Variants in RANBP2 observed in about 807,000 individuals in gnomAD.
RANBP2 encodes E3 SUMO-protein ligase RanBP2.
In RANBP2, 57 loss-of-function variants were observed where a neutral mutation model predicts 303.6. The observed-to-expected ratio is 0.19, with a 90% CI of 0.15 to 0.23. RANBP2 has a LOEUF of 0.23. Among genes scored for constraint, RANBP2 ranks in the 10% least tolerant of loss-of-function variants. RANBP2 has a pLI of 1.00. For synonymous variants in RANBP2, 1,167 were observed against 1,301.5 expected (o/e 0.90, Z 2.23); for missense variants, 3,138 against 3,780.8 (o/e 0.83, Z 4.46).
chr2:109,518,048 A>C, the RANBP2 span, among the ~76,000 whole-genome samples: 1 of 152,210 alleles, frequency 6.6e-6, no homozygotes, highest in Admixed American at 6.5e-5. Flanking sequence ...CAACTCGCTT[A>C]CCTGGTGTGC....
intron 25 of RANBP2, among the ~76,000 whole-genome samples, chr2:108,780,788 C>T (rs1387206611): frequency 6.6e-6 from 1 of 151,894 alleles, no homozygotes; most frequent in African/African-American, 2.4e-5. Flanking sequence ...TGGCTCACCG[C>T]AACCTCCGCC....
the RANBP2 span, chr2:108,929,988 A>G: frequency 1.2e-5 from 14 of 1,131,560 alleles, no homozygotes; most frequent in Non-Finnish European, 1.7e-5. Flanking sequence ...CTCAACGTCC[A>G]GGGAGCGTGA....
At chr2:109,677,195 C>T in the RANBP2 span, among the ~76,000 whole-genome samples, 1 of 152,142 alleles carries the variant, frequency 6.6e-6, no homozygotes, top group Admixed American at 6.5e-5. Flanking sequence ...GAACTGGAAG[C>T]TCCTCCCCTC....
the RANBP2 span, among the ~76,000 whole-genome samples, chr2:109,578,015 A>G: frequency 6.6e-6 from 1 of 151,738 alleles, no homozygotes; most frequent in Non-Finnish European, 1.5e-5. Flanking sequence ...GTCTATTTGT[A>G]TTATCAATGA....
At chr2:109,344,488 G>A in the RANBP2 span, among the ~76,000 whole-genome samples, 1 of 152,220 alleles carries the variant, frequency 6.6e-6, no homozygotes, top group Admixed American at 6.5e-5. Flanking sequence ...AGGGGACCTC[G>A]GCTGCCGTGC....
the RANBP2 span, among the ~76,000 whole-genome samples, chr2:109,711,574 T>A: frequency 6.6e-6 from 1 of 152,234 alleles, no homozygotes. Flanking sequence ...CCATCATCTC[T>A]GTGCCCCCTC....
At chr2:109,467,093 A>G in the RANBP2 span, among the ~76,000 whole-genome samples, 1 of 152,248 alleles carries the variant, frequency 6.6e-6, no homozygotes, top group Admixed American at 6.5e-5. Flanking sequence ...TGGTTCAGCA[A>G]TTTTTTAAGA....
the RANBP2 span, among the ~76,000 whole-genome samples, chr2:108,969,854 A>G: frequency 6.6e-6 from 1 of 152,236 alleles, no homozygotes; most frequent in Admixed American, 6.5e-5. Flanking sequence ...TAACTTGTGC[A>G]GGGATCCAAA....
chr2:109,144,358 G>T, the RANBP2 span, among the ~76,000 whole-genome samples: 7 of 152,230 alleles, frequency 4.6e-5, no homozygotes, highest in African/African-American at 1.4e-4. Flanking sequence ...ACATGATAAT[G>T]AAAAGTACTT....
the RANBP2 span, among the ~76,000 whole-genome samples, chr2:109,211,624 C>G: frequency 6.6e-6 from 1 of 151,358 alleles, no homozygotes; most frequent in Non-Finnish European, 1.5e-5. Context: ...CACATGAGCC[C>G]TTCGGCCCTT....
chr2:108,943,551 G>C, the RANBP2 span, among the ~76,000 whole-genome samples: 1 of 152,232 alleles, frequency 6.6e-6, no homozygotes, highest in Non-Finnish European at 1.5e-5. Context: ...GTGGTGACTA[G>C]TCCGAATTAT....
chr2:109,319,018 A>T, the RANBP2 span, among the ~76,000 whole-genome samples: 27 of 152,232 alleles, frequency 1.8e-4, no homozygotes, highest in Non-Finnish European at 3.8e-4. Context: ...CTGGGATTAC[A>T]GATGGGAAAG....
chr2:109,055,550 T>G, the RANBP2 span, among the ~76,000 whole-genome samples: 7 of 151,754 alleles, frequency 4.6e-5, no homozygotes, highest in African/African-American at 1.7e-4. Flanking sequence ...TTCTTTTCTT[T>G]TCTTTTTTGT....
chr2:109,678,455 C>G, the RANBP2 span, among the ~76,000 whole-genome samples: 1 of 152,306 alleles, frequency 6.6e-6, no homozygotes, highest in Non-Finnish European at 1.5e-5. Context: ...CTTGGCCCTA[C>G]CAGGGATCGC....
At chr2:109,163,559 C>T in the RANBP2 span, among the ~76,000 whole-genome samples, 658 of 151,068 alleles carry the variant, frequency 4.4e-3, 2 homozygotes, top group African/African-American at 0.015. Context: ...CCACTACGCC[C>T]GGCTAATTTT....
chr2:108,856,347 C>A, the RANBP2 span, among the ~76,000 whole-genome samples: 1 of 152,130 alleles, frequency 6.6e-6, no homozygotes, highest in East Asian at 1.9e-4. Flanking sequence ...TATTTAAAAT[C>A]CATTTAGCAC....
At chr2:108,800,199 G>T in the RANBP2 span, among the ~76,000 whole-genome samples, 2 of 152,052 alleles carry the variant, frequency 1.3e-5, no homozygotes, top group Non-Finnish European at 2.9e-5. Context: ...GGGTTCTATT[G>T]TTACCTTCTG....
the RANBP2 span, chr2:108,882,938 C>T: frequency 6.6e-6 from 1 of 150,838 alleles, no homozygotes; most frequent in Non-Finnish European, 1.5e-5. Context: ...ATAGGAGCAT[C>T]GAGATTAAAG....
At chr2:109,726,688 C>T in the RANBP2 span, among the ~76,000 whole-genome samples, 1 of 152,132 alleles carries the variant, frequency 6.6e-6, no homozygotes. Context: ...TTTACATTTT[C>T]CCAAAGTCCT....
Sources: allele counts gnomAD v4.1 joint callset (sites outside exome capture counted in the v4.1 genomes callset), GRCh38; gene constraint gnomAD v4.1.1; transcripts MANE v1.5; gene names NCBI Gene and HGNC (gene_info 2026-07-23, HGNC 2026-07-21).